The following CELF2 variants were observed in gnomAD, a reference collection of about 807,000 sequenced individuals.
CELF2 encodes CUG triplet repeat RNA-binding protein 2.
In CELF2, 8 loss-of-function variants were observed where a neutral mutation model predicts 62.6. The ratio of observed to expected loss-of-function variants is 0.13; its 90% CI spans 0.07 to 0.23. CELF2 has a LOEUF of 0.23. Among genes scored for constraint, CELF2 ranks in the 10% least tolerant of loss-of-function variants. CELF2 has a pLI of 1.00. For synonymous variants in CELF2, 258 were observed against 250.0 expected (o/e 1.03, Z -0.30); for missense variants, 333 against 671.0 (o/e 0.50, Z 5.56).
chr10:11,003,391 C>G (rs951359172), upstream of CELF2, among the ~76,000 whole-genome samples: 1 of 152,112 alleles, frequency 6.6e-6, no homozygotes, highest in African/African-American at 2.4e-5. The surrounding 1 kb of genome is among the most constrained non-coding windows in gnomAD (Gnocchi z 4.4). Context: ...ATAGTTTAGC[C>G]CCCATTAGAA....
rs1455699031 is a variant in CELF2 at position 11,010,602 on chromosome 10, G to A, written c.53+5162G>A. Among the ~76,000 whole-genome samples the A allele has an allele frequency of 2.6e-5, 4 of 152,196 alleles. No individual in the cohort carries two copies. Among genetic ancestry groups the A allele is most frequent in the African/African-American group, 7.2e-5 (3 of 41,440 alleles). ...ATTTTAAAGATGAAAAACTGAGCCCGAGAGAGGTAAAGTCACAGGCCCATA... is the reference window on the plus strand; with the variant it reads ...ATTTTAAAGATGAAAAACTGAGCCCAAGAGAGGTAAAGTCACAGGCCCATA... On this transcript the variant is annotated intron_variant, in intron 1 of 12. Coordinates refer to the CELF2 transcript ENST00000416382. This position sits in a 1 kb window ranked among gnomAD's most constrained non-coding sequence, Gnocchi z 4.1.
intron 1 of CELF2, among the ~76,000 whole-genome samples, chr10:11,049,558 T>TAA (rs368708381): frequency 0.39 from 37,526 of 96,434 alleles, 8,259 homozygotes; most frequent in Non-Finnish European, 0.49. Context: ...CTTTCTTTAG[T>TAA]AAAAAAAAAA....
At chr10:11,263,758 C>T (rs2081389344) in intron 5 of CELF2, among the ~76,000 whole-genome samples, 1 of 152,202 alleles carries the variant, frequency 6.6e-6, no homozygotes, top group Admixed American at 6.5e-5. Context: ...AGGCCTAATC[C>T]TAAAGCCACC....
At chr10:10,650,283 G>A in the CELF2 span, among the ~76,000 whole-genome samples, 6 of 152,338 alleles carry the variant, frequency 3.9e-5, no homozygotes, top group Non-Finnish European at 8.8e-5. Flanking sequence ...GGCATGCAAA[G>A]TGTAAGACAT....
intron 1 of CELF2, among the ~76,000 whole-genome samples, chr10:11,127,564 T>C (rs2058926489): frequency 6.6e-6 from 1 of 152,242 alleles, no homozygotes; most frequent in Non-Finnish European, 1.5e-5. Flanking sequence ...TGTTGTTTCC[T>C]GACTTTTTAA....
the CELF2 span, among the ~76,000 whole-genome samples, chr10:10,508,704 G>GTGTA: frequency 4.5e-3 from 277 of 60,916 alleles, 1 homozygote; most frequent in African/African-American, 9.0e-3. Context: ...GTGTGTGTGT[G>GTGTA]TATATTTTTT....
At chr10:10,992,820 T>G (rs1050814582) in intron 2 of CELF2, among the ~76,000 whole-genome samples, 1 of 152,224 alleles carries the variant, frequency 6.6e-6, no homozygotes, top group Admixed American at 6.5e-5. Flanking sequence ...GGCAGTAGGT[T>G]AAACAGTCTC....
At chr10:10,976,162 CTT>C (rs1327021115) in intron 2 of CELF2, among the ~76,000 whole-genome samples, 7 of 152,234 alleles carry the variant, frequency 4.6e-5, no homozygotes, top group Non-Finnish European at 1.0e-4. Context: ...CCACTGGTGT[CTT>C]AACTTCATCC....
the CELF2 span, among the ~76,000 whole-genome samples, chr10:10,535,634 G>A: frequency 5.3e-5 from 8 of 152,130 alleles, no homozygotes; most frequent in South Asian, 4.2e-4. Context: ...GCCGAGAATC[G>A]CTTGAACCCT....
exon 1 of CELF2, chr10:10,798,750 G>A (rs955293655): frequency 2.0e-5 from 8 of 398,716 alleles, no homozygotes; most frequent in South Asian, 1.3e-4. Context: ...CTCGCCCTCA[G>A]CCGGCTCCTA....
At chr10:11,266,850 T>C (rs2082296177) in intron 6 of CELF2, among the ~76,000 whole-genome samples, 173 bp downstream of exon 6, 3 of 152,212 alleles carry the variant, frequency 2.0e-5, no homozygotes, top group African/African-American at 7.2e-5. Flanking sequence ...TCTCTTTCTC[T>C]ATGCATTTTT....
At chr10:11,113,290 G>A (rs546545211) in intron 1 of CELF2, among the ~76,000 whole-genome samples, 2 of 152,238 alleles carry the variant, frequency 1.3e-5, no homozygotes, top group East Asian at 3.9e-4. Flanking sequence ...GCATTTTTAG[G>A]TGTTTTAAAT....
the CELF2 span, among the ~76,000 whole-genome samples, chr10:10,599,978 A>G: frequency 6.7e-6 from 1 of 150,350 alleles, no homozygotes; most frequent in Non-Finnish European, 1.5e-5. Context: ...TGATCCACCC[A>G]CCTCAGCCTC....
chr10:11,203,015 G>C (rs886538110), intron 2 of CELF2, among the ~76,000 whole-genome samples: 4 of 148,892 alleles, frequency 2.7e-5, no homozygotes, highest in Non-Finnish European at 5.9e-5. Context: ...GGGCTAAAAA[G>C]ACTCAGAAAT....
intron 1 of CELF2, among the ~76,000 whole-genome samples, chr10:11,134,841 G>C (rs560381722): frequency 9.7e-4 from 147 of 152,300 alleles, no homozygotes; most frequent in African/African-American, 3.4e-3. Context: ...GCAGGGAAAT[G>C]CAGTGAATCT....
chr10:11,271,442 C>T (rs982247284), intron 7 of CELF2, among the ~76,000 whole-genome samples: 5 of 152,118 alleles, frequency 3.3e-5, no homozygotes, highest in South Asian at 4.1e-4. Context: ...GACAGTCCCC[C>T]GAGCGAGATC....
intron 1 of CELF2, among the ~76,000 whole-genome samples, chr10:10,912,819 G>C (rs2063932206): frequency 6.6e-6 from 1 of 152,206 alleles, no homozygotes; most frequent in Non-Finnish European, 1.5e-5. Context: ...GAGCTGGGAT[G>C]CTTGGGCTGT....
the CELF2 span, among the ~76,000 whole-genome samples, chr10:10,504,721 T>G: frequency 6.6e-6 from 1 of 151,936 alleles, no homozygotes; most frequent in African/African-American, 2.4e-5. Flanking sequence ...GAGTCCATGT[T>G]TTTTTTTCTT....
chr10:10,883,910 TTCC>T (rs911719760), intron 1 of CELF2, among the ~76,000 whole-genome samples: 9 of 151,164 alleles, frequency 6.0e-5, no homozygotes, highest in African/African-American at 7.3e-5. Context: ...CCTCCCCCTC[TTCC>T]TCCTCCTCCT....
Sources: gnomAD v4.1 joint callset for allele counts (sites outside exome capture counted in the v4.1 genomes callset) on GRCh38, gnomAD v4.1.1 for gene constraint, Gnocchi (gnomAD v3.1) non-coding constraint, MANE v1.5 for transcripts, NCBI Gene and HGNC (gene_info 2026-07-23, HGNC 2026-07-21) for gene names.